Variants in GRIK2 observed in about 807,000 individuals in gnomAD.
GRIK2 encodes glutamate ionotropic receptor kainate type subunit 2, also known as glutamate receptor ionotropic, kainate 2.
Under a neutral mutation model 100.3 loss-of-function variants are expected in GRIK2, and 32 were observed. The observed-to-expected ratio is 0.32, with a 90% CI of 0.24 to 0.43. The LOEUF is 0.43. GRIK2 is among the 20% of genes least tolerant of loss of function. The pLI, the probability that GRIK2 is intolerant of heterozygous loss-of-function variation, is 1.00. For missense variants in GRIK2, 843 were observed against 1,114.9 expected (o/e 0.76, Z 3.47); for synonymous variants, 417 against 389.4 (o/e 1.07, Z -0.83).
Position 101,912,980 on chromosome 6 carries a change from TA to T in GRIK2, c.1749-11617del, listed in dbSNP as rs1348428538. ...TTTTTCAGAAAAATATGTTACTCGA[TA>T]AAACACAGAAATAGTATGATTCTGG... is the stretch of plus-strand genomic sequence containing the variant. On this transcript the variant is annotated intron_variant, in intron 12 of 16. Coordinates refer to ENST00000369134, the MANE Select transcript of GRIK2 (RefSeq NM_021956.5). 2.5e-4 allele frequency among the ~76,000 whole-genome samples: 38 copies of T among 151,538 alleles called. 1 individual carries two copies.
chr6:101,542,961 T>C (rs1776075811), intron 2 of GRIK2, among the ~76,000 whole-genome samples: 1 of 152,122 alleles, frequency 6.6e-6, no homozygotes, highest in Non-Finnish European at 1.5e-5. Context: ...AATGATACCT[T>C]CTCTTAATGG....
At chr6:101,930,749 A>G (rs1790217318) in intron 14 of GRIK2, among the ~76,000 whole-genome samples, 1 of 151,528 alleles carries the variant, frequency 6.6e-6, no homozygotes, top group Non-Finnish European at 1.5e-5. Flanking sequence ...TCTTTTTTTA[A>G]TAGTTCAATT....
rs1222954 is a variant in GRIK2 at position 101,713,537 on chromosome 6, A to G, written c.951+27184A>G. On this transcript the variant is annotated intron_variant, in intron 7 of 16. Coordinates refer to ENST00000369134, the MANE Select transcript of GRIK2 (RefSeq NM_021956.5). ...TTTATTATCTTCAAGCATGTGGTCT[A>G]TTAAGCAAAATAAGATATTCAGCAA... 1.9e-3 allele frequency among the ~76,000 whole-genome samples: 296 copies of G among 151,932 alleles called. 1 individual carries two copies. The highest frequency in any genetic ancestry group is 7.0e-3 in the African/African-American group (291 of 41,532).
chr6:101,794,176 G>T (rs1487624898), intron 7 of GRIK2, among the ~76,000 whole-genome samples: 1 of 152,122 alleles, frequency 6.6e-6, no homozygotes, highest in Non-Finnish European at 1.5e-5. Context: ...GTGAGGCAAT[G>T]CCTCGCCCTG....
intron 2 of GRIK2, among the ~76,000 whole-genome samples, chr6:101,584,190 C>T (rs945415242): frequency 1.6e-4 from 25 of 151,990 alleles, no homozygotes; most frequent in Middle Eastern, 3.4e-3. Context: ...ATTTGTAATA[C>T]TCAGTTTTAC....
chr6:101,537,428 TTGTGTGTGTGTGTTTG>T (rs796229846), intron 2 of GRIK2, among the ~76,000 whole-genome samples: 46 of 135,706 alleles, frequency 3.4e-4, no homozygotes, highest in South Asian at 1.2e-3. Context: ...GTGTGTGTGT[TTGTGTGTGTGTGTTTG>T]TGTGTGTGTG....
At chr6:102,030,510 A>G (rs1256766227) in intron 14 of GRIK2, among the ~76,000 whole-genome samples, 1 of 151,012 alleles carries the variant, frequency 6.6e-6, no homozygotes, top group Non-Finnish European at 1.5e-5. Flanking sequence ...CACTCCCCTC[A>G]ATTAGCCCTT....
chr6:101,446,888 A>G (rs1770409193), intron 2 of GRIK2, among the ~76,000 whole-genome samples: 1 of 150,138 alleles, frequency 6.7e-6, no homozygotes, highest in East Asian at 1.9e-4. Flanking sequence ...TTTTGCTTTG[A>G]CTATGACATA....
chr6:101,635,251 C>A (rs1341239149), intron 4 of GRIK2, among the ~76,000 whole-genome samples: 1 of 152,110 alleles, frequency 6.6e-6, no homozygotes, highest in Non-Finnish European at 1.5e-5. Context: ...TACTTGATTA[C>A]ATAGCTTGGT....
chr6:102,001,620 G>T (rs1794946697), intron 14 of GRIK2, among the ~76,000 whole-genome samples: 1 of 151,930 alleles, frequency 6.6e-6, no homozygotes, highest in South Asian at 2.1e-4. Flanking sequence ...TGGGCATTTG[G>T]GTTGGTTCCA....
chr6:101,662,181 A>G lies in GRIK2; in HGVS notation c.542-14442A>G, dbSNP rs146110008. Among the ~76,000 whole-genome samples, 1,051 of 152,344 alleles carry G rather than the reference A, an allele frequency of 6.9e-3. 11 individuals are homozygous for G. The highest frequency in any genetic ancestry group is 0.023 in the African/African-American group (946 of 41,590). On this transcript the variant is annotated intron_variant, in intron 4 of 16. Coordinates refer to ENST00000369134, the MANE Select transcript of GRIK2 (RefSeq NM_021956.5). ...CTAGAAATTTGGAATTGTGATGAAG[A>G]AAGATTAGTCTCTTCCAATTGCTGG...
chr6:101,796,074 G>A (rs1483855064), intron 7 of GRIK2, among the ~76,000 whole-genome samples: 1 of 152,134 alleles, frequency 6.6e-6, no homozygotes, highest in African/African-American at 2.4e-5. Flanking sequence ...TAACCATAGA[G>A]TGTTGAGTGA....
intron 2 of GRIK2, among the ~76,000 whole-genome samples, chr6:101,500,372 T>A (rs768642400): frequency 1.3e-5 from 2 of 152,120 alleles, no homozygotes; most frequent in South Asian, 2.1e-4. Flanking sequence ...GATATTTTTT[T>A]AAATATTGCT....
intron 2 of GRIK2, among the ~76,000 whole-genome samples, chr6:101,515,705 G>T (rs1774553142): frequency 6.6e-6 from 1 of 152,036 alleles, no homozygotes; most frequent in Non-Finnish European, 1.5e-5. Context: ...TTGGCCATTT[G>T]TACATCTTCT....
At position 101,775,517 on chromosome 6, in the gene GRIK2, A is replaced by ATG. The variant is rs1562376119; in HGVS notation, c.952-24125_952-24124dup. Reference sequence around the variant, plus strand: ...TAGAGACAAAAATCTTTATATATATATGTGTGTATATATATGTATATATAT... The same window carrying ATG: ...TAGAGACAAAAATCTTTATATATATATGTGTGTGTATATATATGTATATATAT... On this transcript the variant is annotated intron_variant, in intron 7 of 16. Coordinates refer to ENST00000369134, the MANE Select transcript of GRIK2 (RefSeq NM_021956.5). Among the ~76,000 whole-genome samples the ATG allele has an allele frequency of 3.3e-5, 4 of 119,958 alleles. 1 individual carries two copies. The highest frequency in any genetic ancestry group is 1.3e-4 in the African/African-American group (4 of 31,104). The allele number at this position is 119,958 out of a possible 152,430, so 78.7% of individuals were successfully genotyped here.
At chr6:101,402,313 C>T (rs1287648677) in intron 2 of GRIK2, among the ~76,000 whole-genome samples, 1 of 152,194 alleles carries the variant, frequency 6.6e-6, no homozygotes, top group Non-Finnish European at 1.5e-5. Flanking sequence ...AAGACACATG[C>T]GCCCTCCGGG....
intron 7 of GRIK2, among the ~76,000 whole-genome samples, chr6:101,791,791 A>G (rs557345548): frequency 1.1e-4 from 17 of 151,660 alleles, no homozygotes; most frequent in Non-Finnish European, 1.5e-4. Context: ...TGATCTGTCT[A>G]ATGTTGACAG....
intron 7 of GRIK2, among the ~76,000 whole-genome samples, chr6:101,780,771 C>G (rs1254200516): frequency 6.6e-6 from 1 of 152,106 alleles, no homozygotes; most frequent in African/African-American, 2.4e-5. Flanking sequence ...GCAGATAAAT[C>G]AATCTCTAAA....
chr6:101,554,158 AAAG>A (rs1241374423), intron 2 of GRIK2, among the ~76,000 whole-genome samples: 2 of 152,192 alleles, frequency 1.3e-5, no homozygotes, highest in Non-Finnish European at 2.9e-5. Flanking sequence ...CTGAAATTAC[AAAG>A]AAGGAGAAAT....
Sources: allele counts gnomAD v4.1 joint callset (sites outside exome capture counted in the v4.1 genomes callset), GRCh38; gene constraint gnomAD v4.1.1; transcripts MANE v1.5; gene names NCBI Gene and HGNC (gene_info 2026-07-23, HGNC 2026-07-21).